PLCB4: variants seen among roughly 807,000 people sequenced by gnomAD.
PLCB4 encodes the protein phospholipase C beta 4, also known as 1-phosphatidylinositol 4,5-bisphosphate phosphodiesterase beta-4.
Under a neutral mutation model 178.8 loss-of-function variants are expected in PLCB4, and 77 were observed. The observed-to-expected ratio is 0.43, with a 90% CI of 0.36 to 0.52. PLCB4 has a LOEUF of 0.52. Ranked by LOEUF, PLCB4 falls within the 20% of genes least tolerant of loss-of-function variation. PLCB4 has a pLI of 0.00. For missense variants in PLCB4, 1,024 were observed against 1,453.4 expected (o/e 0.70, Z 4.80); for synonymous variants, 496 against 490.8 (o/e 1.01, Z -0.14).
chr20:9,235,328 A>G (rs1468675949), intron 3 of PLCB4, among the ~76,000 whole-genome samples: 1 of 152,192 alleles, frequency 6.6e-6, no homozygotes, highest in African/African-American at 2.4e-5. Flanking sequence ...TGAATGGACA[A>G]ATACACAATT....
At chr20:9,313,172 T>C (rs889417610) in intron 4 of PLCB4, among the ~76,000 whole-genome samples, 3 of 152,218 alleles carry the variant, frequency 2.0e-5, no homozygotes, top group Admixed American at 6.5e-5. Flanking sequence ...AAAAGATACT[T>C]ACAGTCATCA....
At chr20:9,440,951 G>A (rs2042067551) in intron 30 of PLCB4, among the ~76,000 whole-genome samples, 1 of 152,178 alleles carries the variant, frequency 6.6e-6, no homozygotes, top group Non-Finnish European at 1.5e-5. Flanking sequence ...TACTTGTCTT[G>A]GAGGAAGGGC....
chr20:9,328,688 C>T (rs1292191373), intron 4 of PLCB4, among the ~76,000 whole-genome samples: 1 of 152,130 alleles, frequency 6.6e-6, no homozygotes, highest in Non-Finnish European at 1.5e-5. Flanking sequence ...GCATATTGTT[C>T]AAAACATTTG....
At chr20:9,333,187 G>A (rs2031951349) in intron 4 of PLCB4, among the ~76,000 whole-genome samples, 1 of 152,086 alleles carries the variant, frequency 6.6e-6, no homozygotes, top group Non-Finnish European at 1.5e-5. Flanking sequence ...AAGTTAATTT[G>A]TTAGTTTTAT....
chr20:9,444,566 C>T (rs1035217096), intron 32 of PLCB4, among the ~76,000 whole-genome samples: 7 of 152,082 alleles, frequency 4.6e-5, no homozygotes, highest in Non-Finnish European at 8.8e-5. Flanking sequence ...AGTTTGAGAC[C>T]AGCCTGACCA....
intron 3 of PLCB4, among the ~76,000 whole-genome samples, chr20:9,285,641 A>T (rs2147726998): frequency 6.6e-6 from 1 of 152,154 alleles, no homozygotes; most frequent in South Asian, 2.1e-4. Context: ...CCCAGTAAAG[A>T]GTTCTCCTGG....
chr20:9,459,596 T>C (rs2043267503), intron 34 of PLCB4, 39 bp from the exon 35 acceptor site: 2 of 1,518,104 alleles, frequency 1.3e-6, no homozygotes, highest in Non-Finnish European at 9.1e-7. Flanking sequence ...ACCTGACCTA[T>C]GAGGATTACA....
intron 8 of PLCB4, among the ~76,000 whole-genome samples, chr20:9,363,537 A>T (rs2053716464): frequency 6.6e-6 from 1 of 152,070 alleles, no homozygotes; most frequent in Admixed American, 6.6e-5. Context: ...TTCCAAATTT[A>T]TTTTTTCCAT....
intron 2 of PLCB4, among the ~76,000 whole-genome samples, chr20:9,146,043 T>G (rs1241380619): frequency 1.3e-5 from 2 of 152,112 alleles, no homozygotes; most frequent in Non-Finnish European, 2.9e-5. Flanking sequence ...CTAAAGTTCT[T>G]GCAAATTTGG....
intron 7 of PLCB4, among the ~76,000 whole-genome samples, chr20:9,357,195 C>T (rs947270626): frequency 2.0e-5 from 3 of 152,112 alleles, no homozygotes; most frequent in Non-Finnish European, 4.4e-5. Flanking sequence ...CCAAGAAGTT[C>T]CCATGTTTTA....
intron 1 of PLCB4, among the ~76,000 whole-genome samples, chr20:9,079,791 C>A (rs1600255316): frequency 6.6e-6 from 1 of 151,812 alleles, no homozygotes; most frequent in African/African-American, 2.4e-5. Context: ...TGGCTGGTAT[C>A]AGTAAAATTT....
At chr20:9,327,888 G>A (rs1297938251) in intron 4 of PLCB4, among the ~76,000 whole-genome samples, 1 of 152,212 alleles carries the variant, frequency 6.6e-6, no homozygotes, top group Non-Finnish European at 1.5e-5. Context: ...AGGTATTGTG[G>A]TTGATGTTGT....
intron 17 of PLCB4, among the ~76,000 whole-genome samples, chr20:9,392,408 G>A (rs957249500): frequency 7.2e-5 from 11 of 152,190 alleles, no homozygotes; most frequent in African/African-American, 2.7e-4. Context: ...AAATGAATAG[G>A]ATGAAGTAAA....
chr20:9,280,574 A>G, intron 3 of PLCB4: 2 of 383,758 alleles, frequency 5.2e-6, no homozygotes, highest in Non-Finnish European at 7.1e-6. Context: ...ATGGCAAGAA[A>G]ACTGATGCCT....
At chr20:9,207,519 T>C (rs1227587594) in intron 2 of PLCB4, among the ~76,000 whole-genome samples, 1 of 152,240 alleles carries the variant, frequency 6.6e-6, no homozygotes, top group Non-Finnish European at 1.5e-5. Flanking sequence ...CAGTGACCTA[T>C]TACTATTATA....
At chr20:9,461,920 C>T (rs953340522) in intron 35 of PLCB4, among the ~76,000 whole-genome samples, 2 of 152,164 alleles carry the variant, frequency 1.3e-5, no homozygotes, top group African/African-American at 4.8e-5. Flanking sequence ...CCCAGCATGG[C>T]GTTTGAGCTC....
chr20:9,177,535 T>C (rs1287131890), intron 2 of PLCB4, among the ~76,000 whole-genome samples: 1 of 152,186 alleles, frequency 6.6e-6, no homozygotes, highest in Non-Finnish European at 1.5e-5. Flanking sequence ...TTTTGACACA[T>C]GTTCCCCTTG....
chr20:9,473,853 T>C (rs2044356243), intron 38 of PLCB4, among the ~76,000 whole-genome samples: 1 of 152,168 alleles, frequency 6.6e-6, no homozygotes, highest in African/African-American at 2.4e-5. Flanking sequence ...TCACTGAGCA[T>C]GAGTGGATAC....
At chr20:9,271,915 A>T (rs983534168) in intron 3 of PLCB4, among the ~76,000 whole-genome samples, 4 of 151,720 alleles carry the variant, frequency 2.6e-5, no homozygotes, top group Admixed American at 6.6e-5. Flanking sequence ...GGGGGCTCAC[A>T]CCTATAATCT....
Sources: gnomAD v4.1 joint callset for allele counts (sites outside exome capture counted in the v4.1 genomes callset) on GRCh38, gnomAD v4.1.1 for gene constraint, MANE v1.5 for transcripts, NCBI Gene and HGNC (gene_info 2026-07-23, HGNC 2026-07-21) for gene names.